GPATCH8: variants seen among roughly 807,000 people sequenced by gnomAD.
GPATCH8 encodes G patch domain-containing protein 8.
Under a neutral mutation model 118.3 loss-of-function variants are expected in GPATCH8, and 18 were observed. That is an observed-to-expected ratio of 0.15 (90% CI 0.11 to 0.23). The LOEUF is 0.23. GPATCH8 is among the 10% of genes least tolerant of loss of function. The pLI, the probability that GPATCH8 is intolerant of heterozygous loss-of-function variation, is 1.00. For synonymous variants in GPATCH8, 659 were observed against 684.7 expected (o/e 0.96, Z 0.59); for missense variants, 1,631 against 1,873.8 (o/e 0.87, Z 2.39).
At chr17:44,478,987 A>T (rs1197475616) in intron 1 of GPATCH8, among the ~76,000 whole-genome samples, 3 of 152,230 alleles carry the variant, frequency 2.0e-5, no homozygotes. Flanking sequence ...CTGGGATTAC[A>T]GGCCTAAGCC....
intron 5 of GPATCH8, among the ~76,000 whole-genome samples, chr17:44,428,792 C>G (rs376173196): frequency 6.6e-6 from 1 of 152,042 alleles, no homozygotes; most frequent in South Asian, 2.1e-4. Context: ...AGAGTGAGAT[C>G]CTGTCTGGGT....
Position 44,408,347 on chromosome 17 carries a change from G to A in GPATCH8, c.493-2296C>T, listed in dbSNP as rs191299995. 2.8e-3 allele frequency among the ~76,000 whole-genome samples: 430 copies of A among 152,078 alleles called. 3 individuals are homozygous for A. The highest frequency in any genetic ancestry group is 9.7e-3 in the African/African-American group (404 of 41,486). The stretch of plus-strand genomic sequence containing the variant: ...ACTACAGGTGCCTGTCACCACACCC[G>A]GCTGATTTTTTATATTTTTAGTAGA... On this transcript the variant is annotated intron_variant, in intron 6 of 7. Coordinates refer to ENST00000591680, the MANE Select transcript of GPATCH8 (RefSeq NM_001002909.4).
intron 6 of GPATCH8, among the ~76,000 whole-genome samples, chr17:44,414,135 A>G (rs368727797): frequency 5.8e-5 from 2 of 34,548 alleles, no homozygotes; most frequent in African/African-American, 1.3e-4. Context: ...ATGTGTATAT[A>G]TATATATGTG....
In GPATCH8 at chr17:44,399,680, T is replaced by C; in HGVS notation, c.2397A>G (p.Ala799=). ...ELPPSSCQRR[A]GTKRSSRSSH... ...TAGACCGGCTGCTCCGTTTGGTGCC[T>C]GCTCTTCGCTGGCAGGATGAAGGTG... is the stretch of plus-strand genomic sequence containing the variant. The change falls in exon 8 of 8, where the codon GCA becomes GCG. Residue 799 remains alanine, a synonymous_variant. Coordinates refer to ENST00000591680, the MANE Select transcript of GPATCH8 (RefSeq NM_001002909.4). The C allele has an allele frequency of 6.2e-7, 1 of 1,614,030 alleles. No individual in the cohort carries two copies. The highest frequency in any genetic ancestry group is 8.5e-7 in the Non-Finnish European group (1 of 1,179,884).
chr17:44,499,240 G>A (rs1969884921), intron 1 of GPATCH8, among the ~76,000 whole-genome samples: 1 of 152,184 alleles, frequency 6.6e-6, no homozygotes. Flanking sequence ...ACCGAGGTGG[G>A]TGGATCACCT....
In GPATCH8 at chr17:44,396,752, T is replaced by C. The variant is rs1352549261; in HGVS notation, c.*816A>G. 1 of 453,344 alleles carries C rather than the reference T, an allele frequency of 2.2e-6. No homozygotes were observed. The highest frequency in any genetic ancestry group is 4.4e-6 in the Non-Finnish European group (1 of 226,580). The allele number at this position is 453,344 out of a possible 1,614,324, so 28.1% of individuals were successfully genotyped here. ...CTACAAAAAGCAGCATTTACGTTTA[T>C]AGAGTTCAGTGCAATTTTTTACATT... On this transcript the variant is annotated 3_prime_UTR_variant, in exon 8 of 8. Transcript: ENST00000591680.
chr17:44,494,529 T>A (rs1052321377), intron 1 of GPATCH8, among the ~76,000 whole-genome samples: 6 of 152,054 alleles, frequency 3.9e-5, no homozygotes, highest in African/African-American at 1.4e-4. Flanking sequence ...GAGGCAGAGG[T>A]TGCAGTGAGC....
rs375882699 is a variant in GPATCH8, at chr17:44,452,297, A to G, written c.193+12175T>C. ...CAAAAAAAAAAAAAAAAAGAAAAAA[A>G]AAAAAAGGAAAAAAGATCTTGGGCA... is the stretch of plus-strand genomic sequence containing the variant. On this transcript the variant is annotated intron_variant, in intron 3 of 7. Coordinates refer to ENST00000591680, the MANE Select transcript of GPATCH8 (RefSeq NM_001002909.4). 2.4e-3 allele frequency among the ~76,000 whole-genome samples: 368 copies of G among 151,468 alleles called. 4 individuals are homozygous for G. The highest frequency in any genetic ancestry group is 8.2e-3 in the African/African-American group (339 of 41,396).
At chr17:44,466,860 T>C (rs1211520392) in intron 2 of GPATCH8, among the ~76,000 whole-genome samples, 2 of 152,178 alleles carry the variant, frequency 1.3e-5, no homozygotes, top group Non-Finnish European at 2.9e-5. Flanking sequence ...ATAACTATAT[T>C]TGGCACCAAG....
chr17:44,400,466 G>A lies in GPATCH8; in HGVS notation c.1611C>T (p.Phe537=). ...TTTCATCTTTGCTCAAAACTGGGAA[G>A]AAGGGACCAGTAGGATGTTTGGGTC... ...QEGPKHPTGP[F]FPVLSKDEST... Residue 537 remains phenylalanine, a synonymous_variant, in exon 8 of 8, where the codon TTC becomes TTT. Transcript: ENST00000591680. 1 of 1,614,166 alleles carries A rather than the reference G, an allele frequency of 6.2e-7. No individual in the cohort carries two copies. The highest frequency in any genetic ancestry group is 1.1e-5 in the South Asian group (1 of 91,080).
Position 44,397,051 on chromosome 17 carries a change from A to C in GPATCH8, c.*517T>G. The C allele has an allele frequency of 2.2e-6, 1 of 454,164 alleles. No homozygotes were observed. The highest frequency in any genetic ancestry group is 4.4e-6 in the Non-Finnish European group (1 of 226,832). The allele number at this position is 454,164 out of a possible 1,614,324, so 28.1% of individuals were successfully genotyped here. A position where few individuals can be genotyped will look rare whatever the true frequency, so the allele number is the denominator to read the frequency against. On this transcript the variant is annotated 3_prime_UTR_variant, in exon 8 of 8. Coordinates refer to ENST00000591680, the MANE Select transcript of GPATCH8 (RefSeq NM_001002909.4). ...CTTTCCACCTCACCTGGGATAACGT[A>C]ACGTCACCAAAGATGGTCAAAGATA...
At chr17:44,411,253 G>C (rs1360826687) in intron 6 of GPATCH8, among the ~76,000 whole-genome samples, 1 of 152,162 alleles carries the variant, frequency 6.6e-6, no homozygotes, top group Non-Finnish European at 1.5e-5. Context: ...TTTTAAGATA[G>C]TCATCATTCT....
intron 5 of GPATCH8, among the ~76,000 whole-genome samples, chr17:44,434,136 AAAT>A (rs1356996284): frequency 1.9e-4 from 29 of 151,488 alleles, no homozygotes; most frequent in Admixed American, 1.8e-3. Context: ...TCTTTAAAAA[AAAT>A]AATAATATTA....
chr17:44,442,248 C>T (rs118164080), intron 3 of GPATCH8, among the ~76,000 whole-genome samples: 2,184 of 147,854 alleles, frequency 0.015, 21 homozygotes, highest in Non-Finnish European at 0.024. Flanking sequence ...CGCAGCACCA[C>T]GTTCCATGAA....
At chr17:44,425,854 T>G (rs530886878) in intron 5 of GPATCH8, among the ~76,000 whole-genome samples, 2 of 151,952 alleles carry the variant, frequency 1.3e-5, no homozygotes, top group East Asian at 3.9e-4. Context: ...AAAACTAGAG[T>G]TCCTGGTATG....
chr17:44,415,846 C>T (rs1000534953), intron 6 of GPATCH8, among the ~76,000 whole-genome samples: 3 of 152,170 alleles, frequency 2.0e-5, no homozygotes, highest in Non-Finnish European at 1.5e-5. Context: ...CATTTTTAGT[C>T]AACTGGGATT....
intron 3 of GPATCH8, among the ~76,000 whole-genome samples, chr17:44,452,238 A>C (rs959339380): frequency 7.1e-6 from 1 of 141,410 alleles, no homozygotes; most frequent in African/African-American, 2.7e-5. Flanking sequence ...GCACCACTGC[A>C]CTCCAGCCTG....
chr17:44,478,154 A>C lies in GPATCH8; in HGVS notation c.46-3251T>G, dbSNP rs183162457. Among the ~76,000 whole-genome samples, 53 of 152,262 alleles carry C rather than the reference A, an allele frequency of 3.5e-4. No homozygotes were observed. The East Asian group carries it at 6.4e-3, about 18-fold the overall frequency. On this transcript the variant is annotated intron_variant, in intron 1 of 7. Transcript: ENST00000591680. ...AAGTCTGTCTTCAATTTACCTCCAAACACCTGCTTCTTGGCATTTTAATTT... is the reference window on the plus strand; with the variant it reads ...AAGTCTGTCTTCAATTTACCTCCAACCACCTGCTTCTTGGCATTTTAATTT...
chr17:44,415,984 A>C (rs2049664930), intron 6 of GPATCH8, among the ~76,000 whole-genome samples: 1 of 152,214 alleles, frequency 6.6e-6, no homozygotes, highest in African/African-American at 2.4e-5. Context: ...AGCTCCCCTA[A>C]GCAGAAGGGG....
Sources: allele counts gnomAD v4.1 joint callset (sites outside exome capture counted in the v4.1 genomes callset), GRCh38; gene constraint gnomAD v4.1.1; transcripts MANE v1.5; gene names NCBI Gene and HGNC (gene_info 2026-07-23, HGNC 2026-07-21).